MRPL12: variants seen among roughly 807,000 people sequenced by gnomAD.
The protein encoded by MRPL12 is mitochondrial ribosomal protein L12.
A neutral mutation model predicts 21.1 loss-of-function variants in MRPL12; 13 were observed. That is an observed-to-expected ratio of 0.62 (90% CI 0.40 to 0.98). MRPL12 has a LOEUF of 0.98. MRPL12 is among the 50% of genes least tolerant of loss of function. The pLI, the probability that MRPL12 is intolerant of heterozygous loss-of-function variation, is 0.00. For synonymous variants in MRPL12, 126 were observed against 115.3 expected (o/e 1.09, Z -0.60); for missense variants, 251 against 268.6 (o/e 0.93, Z 0.46).
In MRPL12 at chr17:81,704,124, G is replaced by A. The variant is rs145265749; in HGVS notation, c.75-120G>A. ...AGGAGCTAGGTAATTTCCGGCCCTA[G>A]TGATTACCAGCCTGAGCTTATGGCA... On this transcript the variant is annotated intron_variant, in intron 1 of 4. Coordinates refer to ENST00000333676, the MANE Select transcript of MRPL12 (RefSeq NM_002949.4). 2.1e-3 allele frequency: 2,097 copies of A among 1,016,154 alleles called. No individual in the cohort carries two copies. Among genetic ancestry groups the A allele is most frequent in the Non-Finnish European group, 1.9e-3 (1,339 of 716,108 alleles). The allele number at this position is 1,016,154 out of a possible 1,614,324, so 62.9% of individuals were successfully genotyped here. A position where few individuals can be genotyped will look rare whatever the true frequency, so the allele number is the denominator to read the frequency against.
chr17:81,707,307 C>A lies in MRPL12; in HGVS notation c.*67C>A. 2 of 1,432,820 alleles carry A rather than the reference C, an allele frequency of 1.4e-6. No individual in the cohort carries two copies. The highest frequency in any genetic ancestry group is 2.7e-5 in the South Asian group (2 of 73,448). 88.8% of individuals were successfully genotyped at this position (1,432,820 alleles called of 1,614,324 possible). On this transcript the variant is annotated 3_prime_UTR_variant, in exon 5 of 5. Transcript: ENST00000333676. ...GGGCGAGGTCCCGCCCTCCCGTGGT[C>A]ACTGGCTCCGCCCCCAGCACCAGGC...
In MRPL12 at chr17:81,706,964, C is replaced by G; in HGVS notation, c.404C>G (p.Thr135Ser). Residue 135 changes from threonine to serine, a missense_variant, in exon 4 of 5, where the codon ACC becomes AGC. By Grantham distance (58) the Thr-to-Ser change is moderately conservative. Coordinates refer to ENST00000333676, the MANE Select transcript of MRPL12 (RefSeq NM_002949.4). ...KERTHFTVRL[T>S]EAKPVDKVKL... Reference sequence around the variant, plus strand: ...CGGACACATTTCACCGTCCGCCTGACCGAGGCGAAGCCCGTGGACAAAGTG... The same window carrying G: ...CGGACACATTTCACCGTCCGCCTGAGCGAGGCGAAGCCCGTGGACAAAGTG... The G allele has an allele frequency of 6.2e-7, 1 of 1,614,118 alleles. No individual in the cohort carries two copies. Among genetic ancestry groups the G allele is most frequent in the Non-Finnish European group, 8.5e-7 (1 of 1,180,044 alleles).
At chr17:81,706,014 G>T (rs2037309941) in intron 3 of MRPL12, among the ~76,000 whole-genome samples, 1 of 152,220 alleles carries the variant, frequency 6.6e-6, no homozygotes, top group Non-Finnish European at 1.5e-5. Flanking sequence ...CAGGCCGTGG[G>T]GACACGCAGC....
In MRPL12 at chr17:81,704,710, C is replaced by G. The variant is rs551648977; in HGVS notation, c.339C>G (p.Ala113=). The part of the protein sequence containing the change: ...VMSGAVPAAA[A]QEAVEEDIPI... ...CTGGGGCTGTCCCTGCTGCAGCAGC[C>G]CAGGAGGTGAGTCCTGGGCAGAATG... Residue 113 remains alanine, a synonymous_variant, in exon 3 of 5, where the codon GCC becomes GCG. Coordinates refer to ENST00000333676, the MANE Select transcript of MRPL12 (RefSeq NM_002949.4). 6.1e-5 allele frequency: 98 copies of G among 1,612,718 alleles called. No homozygotes were observed. Among genetic ancestry groups the G allele is most frequent in the Non-Finnish European group, 8.1e-5 (96 of 1,179,372 alleles).
chr17:81,703,372 T>C lies in MRPL12; in HGVS notation c.-130T>C, dbSNP rs2037274841. 2.8e-6 allele frequency: 2 copies of C among 719,804 alleles called. No individual in the cohort carries two copies. The allele number at this position is 719,804 out of a possible 1,614,324, so 44.6% of individuals were successfully genotyped here. On this transcript the variant is annotated 5_prime_UTR_variant, in exon 1 of 5. Transcript: ENST00000333676. ...GCGCGAGGTACGGCTAGAGCGTCATTTCCGGCTCGAATGCCCGGCAGCCGT... is the reference window on the plus strand; with the variant it reads ...GCGCGAGGTACGGCTAGAGCGTCATCTCCGGCTCGAATGCCCGGCAGCCGT...
At chr17:81,703,630 G>A (rs1294596166) in intron 1 of MRPL12, 55 bp downstream of exon 1, 4 of 1,301,118 alleles carry the variant, frequency 3.1e-6, no homozygotes, top group Middle Eastern at 5.8e-4. Context: ...GGGCAGCCGG[G>A]CACTGAGGGG....
Position 81,707,400 on chromosome 17 carries a change from A to T in MRPL12, c.*160A>T. 1 of 706,556 alleles carries T rather than the reference A, an allele frequency of 1.4e-6. No homozygotes were observed. Among genetic ancestry groups the T allele is most frequent in the Admixed American group, 3.1e-5 (1 of 31,848 alleles). The allele number at this position is 706,556 out of a possible 1,614,324, so 43.8% of individuals were successfully genotyped here. A position where few individuals can be genotyped will look rare whatever the true frequency, so the allele number is the denominator to read the frequency against. Reference sequence around the variant, plus strand: ...GGGGCCGGACAGGCCGCACAGACCTACTGTGGCGGGAGGGAGGGGCGGCTG... The same window carrying T: ...GGGGCCGGACAGGCCGCACAGACCTTCTGTGGCGGGAGGGAGGGGCGGCTG... On this transcript the variant is annotated 3_prime_UTR_variant, in exon 5 of 5. Transcript: ENST00000333676.
chr17:81,704,120 C>A, intron 1 of MRPL12, 124 bp from the exon 2 acceptor site: 1 of 943,298 alleles, frequency 1.1e-6, no homozygotes. Context: ...AATTTCCGGC[C>A]CTAGTGATTA....
At chr17:81,706,082 C>T (rs1187679394) in intron 3 of MRPL12, among the ~76,000 whole-genome samples, 3 of 152,200 alleles carry the variant, frequency 2.0e-5, no homozygotes, top group Admixed American at 6.5e-5. Context: ...GCAGCGTGCC[C>T]GTCAGTCCCA....
In MRPL12 at chr17:81,703,465, C is replaced by T. The variant is rs2037276545; in HGVS notation, c.-37C>T. ...GAGGCGGCTAGAGCGTCGCCTCCTC[C>T]CGGGGAACCGCGTGTGACCTTCCAG... On this transcript the variant is annotated 5_prime_UTR_variant, in exon 1 of 5. Coordinates refer to ENST00000333676, the MANE Select transcript of MRPL12 (RefSeq NM_002949.4). 3.4e-6 allele frequency: 5 copies of T among 1,481,484 alleles called. No homozygotes were observed. The highest frequency in any genetic ancestry group is 1.3e-5 in the South Asian group (1 of 79,310). 91.8% of individuals were successfully genotyped at this position (1,481,484 alleles called of 1,614,324 possible).
rs2037276510 is a variant in MRPL12, at chr17:81,703,462, C to T, written c.-40C>T. ...GCCGAGGCGGCTAGAGCGTCGCCTC[C>T]TCCCGGGGAACCGCGTGTGACCTTC... On this transcript the variant is annotated 5_prime_UTR_variant, in exon 1 of 5. Coordinates refer to ENST00000333676, the MANE Select transcript of MRPL12 (RefSeq NM_002949.4). The T allele has an allele frequency of 2.0e-6, 3 of 1,479,612 alleles. No individual in the cohort carries two copies. The highest frequency in any genetic ancestry group is 2.7e-6 in the Non-Finnish European group (3 of 1,119,516). The allele number at this position is 1,479,612 out of a possible 1,614,324, so 91.7% of individuals were successfully genotyped here. A position where few individuals can be genotyped will look rare whatever the true frequency, so the allele number is the denominator to read the frequency against.
At chr17:81,705,653 G>A (rs528734081) in intron 3 of MRPL12, among the ~76,000 whole-genome samples, 2 of 152,322 alleles carry the variant, frequency 1.3e-5, no homozygotes, top group East Asian at 1.9e-4. Context: ...TGGCGCAGGC[G>A]AAGGGGTGTA....
chr17:81,707,006 T>TG lies in MRPL12; in HGVS notation c.446_447insG (p.Ile149MetfsTer32). 1 of 1,614,102 alleles carries TG rather than the reference T, an allele frequency of 6.2e-7. No homozygotes were observed. The highest frequency in any genetic ancestry group is 8.5e-7 in the Non-Finnish European group (1 of 1,180,030). ...GACAAAGTGAAGCTGATCAAGGAAATCAAGAACTACATCCAAGGCATCAAC... is the reference window on the plus strand; with the variant it reads ...GACAAAGTGAAGCTGATCAAGGAAATGCAAGAACTACATCCAAGGCATCAAC... On this transcript the variant is annotated frameshift_variant, in exon 4 of 5. Transcript: ENST00000333676. LOFTEE classifies it high-confidence loss of function.
chr17:81,705,143 T>TGA (rs1393462043), intron 3 of MRPL12, among the ~76,000 whole-genome samples: 1 of 151,516 alleles, frequency 6.6e-6, no homozygotes, highest in Non-Finnish European at 1.5e-5. Context: ...CTCGGGAGGC[T>TGA]GAGGCAGGAG....
chr17:81,705,742 C>T (rs907459957), intron 3 of MRPL12, among the ~76,000 whole-genome samples: 1 of 152,336 alleles, frequency 6.6e-6, no homozygotes, highest in East Asian at 1.9e-4. Context: ...CATCGGGTTG[C>T]GTGAACCTCT....
chr17:81,707,378 G>A lies in MRPL12; in HGVS notation c.*138G>A, dbSNP rs115724660. ...AGAATTGCCTGCGCCACGCAGCGGG[G>A]CCGGACAGGCCGCACAGACCTACTG... On this transcript the variant is annotated 3_prime_UTR_variant, in exon 5 of 5. Transcript: ENST00000333676. 2.4e-4 allele frequency: 198 copies of A among 830,956 alleles called. No homozygotes were observed. Among genetic ancestry groups the A allele is most frequent in the African/African-American group, 1.8e-3 (106 of 58,352 alleles). 51.5% of individuals were successfully genotyped at this position (830,956 alleles called of 1,614,324 possible).
At position 81,706,978 on chromosome 17, in the gene MRPL12, G is replaced by C. The variant is rs757190601; in HGVS notation, c.418G>C (p.Val140Leu). ...CGTCCGCCTGACCGAGGCGAAGCCC[G>C]TGGACAAAGTGAAGCTGATCAAGGA... is the stretch of plus-strand genomic sequence containing the variant. ...FTVRLTEAKPVDKVKLIKEIK... is the reference protein window; with the variant it reads ...FTVRLTEAKPLDKVKLIKEIK... The change falls in exon 4 of 5, where the codon GTG (valine) becomes CTG (leucine). Residue 140 changes from valine to leucine, a missense_variant. Physicochemically the swap from Val to Leu is conservative, Grantham distance 32. Coordinates refer to ENST00000333676, the MANE Select transcript of MRPL12 (RefSeq NM_002949.4). 6.2e-7 allele frequency: 1 copy of C among 1,614,122 alleles called. No individual in the cohort carries two copies. Among genetic ancestry groups the C allele is most frequent in the South Asian group, 1.1e-5 (1 of 91,092 alleles).
At chr17:81,705,151 G>A (rs2037301109) in intron 3 of MRPL12, among the ~76,000 whole-genome samples, 1 of 151,788 alleles carries the variant, frequency 6.6e-6, no homozygotes. Flanking sequence ...GCTGAGGCAG[G>A]AGAATAGCTT....
chr17:81,703,663 CGGGG>C, intron 1 of MRPL12, 88 bp downstream of exon 1: 1 of 1,189,514 alleles, frequency 8.4e-7, no homozygotes, highest in Non-Finnish European at 1.1e-6. Context: ...AGGAGGGCGG[CGGGG>C]CCGGCCTCCC....
Sources: allele counts gnomAD v4.1 joint callset (sites outside exome capture counted in the v4.1 genomes callset), GRCh38; gene constraint gnomAD v4.1.1; transcripts MANE v1.5; gene names NCBI Gene and HGNC (gene_info 2026-07-23, HGNC 2026-07-21).